EBF4: variants seen among roughly 807,000 people sequenced by gnomAD.
The protein encoded by EBF4 is EBF transcription factor 4.
Under a neutral mutation model 67.1 loss-of-function variants are expected in EBF4, and 34 were observed. That is an observed-to-expected ratio of 0.51 (90% CI 0.39 to 0.67). The LOEUF (loss-of-function observed/expected upper bound fraction) is 0.67. Among genes scored for constraint, EBF4 ranks in the 30% least tolerant of loss-of-function variants. EBF4 has a pLI of 0.00. For synonymous variants in EBF4, 387 were observed against 377.7 expected (o/e 1.02, Z -0.29); for missense variants, 837 against 873.3 (o/e 0.96, Z 0.52).
chr20:2,737,991 A>T (rs2087913823), intron 6 of EBF4, among the ~76,000 whole-genome samples: 1 of 150,886 alleles, frequency 6.6e-6, no homozygotes, highest in Non-Finnish European at 1.5e-5. Context: ...GTTCAGTGGG[A>T]ACCAAGGAGG....
At chr20:2,699,406 C>A (rs949896632) in intron 1 of EBF4, among the ~76,000 whole-genome samples, 9 of 152,174 alleles carry the variant, frequency 5.9e-5, no homozygotes, top group Non-Finnish European at 1.2e-4. Context: ...TTTGGTGTCT[C>A]AAACAGTCTC....
chr20:2,731,454 A>G (rs1001218348), intron 6 of EBF4, among the ~76,000 whole-genome samples: 2 of 152,190 alleles, frequency 1.3e-5, no homozygotes, highest in African/African-American at 4.8e-5. Context: ...CATGCAGCTT[A>G]CTTATAAAGA....
chr20:2,736,396 A>C (rs940717807), intron 6 of EBF4, among the ~76,000 whole-genome samples: 7 of 152,222 alleles, frequency 4.6e-5, no homozygotes, highest in African/African-American at 1.7e-4. Context: ...TAGATCAGGC[A>C]CATTATAAGT....
chr20:2,702,177 T>C (rs2087385712), intron 1 of EBF4, among the ~76,000 whole-genome samples: 1 of 152,200 alleles, frequency 6.6e-6, no homozygotes, highest in African/African-American at 2.4e-5. Flanking sequence ...CTCAAGACTA[T>C]AATCCCAGCA....
At position 2,707,625 on chromosome 20, in the gene EBF4, G is replaced by A. The variant is rs1338064654; in HGVS notation, c.415-322G>A. On this transcript the variant is annotated intron_variant, in intron 4 of 16. Coordinates refer to ENST00000609451, the Ensembl canonical transcript of EBF4. This position sits in a 1 kb window ranked among gnomAD's most constrained non-coding sequence, Gnocchi z 4.6. Reference sequence around the variant, plus strand: ...TGGTGCTGGGTGGGCACAGGAGTATGTCTACCCCACCAGCCACCTGACCTT... The same window carrying A: ...TGGTGCTGGGTGGGCACAGGAGTATATCTACCCCACCAGCCACCTGACCTT... 6.6e-6 allele frequency among the ~76,000 whole-genome samples: 1 copy of A among 152,102 alleles called. No individual in the cohort carries two copies. Among genetic ancestry groups the A allele is most frequent in the Non-Finnish European group, 1.5e-5 (1 of 67,992 alleles).
At position 2,727,513 on chromosome 20, in the gene EBF4, A is replaced by G. The variant is rs566369655; in HGVS notation, c.557+17871A>G. Among the ~76,000 whole-genome samples the G allele has an allele frequency of 2.0e-5, 3 of 152,324 alleles. No homozygotes were observed. The East Asian group carries it at 5.8e-4, about 29-fold the overall frequency. ...TTGAATACTGTATTTTTTAATCTGC[A>G]TTTGGTTAAAATAAATCCACATATA... On this transcript the variant is annotated intron_variant, in intron 6 of 16. Coordinates refer to ENST00000609451, the Ensembl canonical transcript of EBF4.
At chr20:2,714,237 G>A (rs1365447279) in intron 6 of EBF4, among the ~76,000 whole-genome samples, 1 of 152,164 alleles carries the variant, frequency 6.6e-6, no homozygotes, top group African/African-American at 2.4e-5. Context: ...TTCCTTTACT[G>A]TGAACTGTCT....
chr20:2,705,394 C>T (rs555161758), intron 1 of EBF4, among the ~76,000 whole-genome samples, 183 bp from the exon 2 acceptor site: 3 of 152,162 alleles, frequency 2.0e-5, no homozygotes, highest in Non-Finnish European at 4.4e-5. Context: ...TGCTGAGAGA[C>T]CTCTATCTGG....
chr20:2,705,887 AAAG>A, intron 2 of EBF4, 84 bp from the exon 3 acceptor site: 1 of 1,502,738 alleles, frequency 6.7e-7, no homozygotes, highest in South Asian at 1.3e-5. Context: ...GAAGGGTGGG[AAAG>A]AAGTTGGGGT....
chr20:2,706,872 A>T (rs1255406221), intron 4 of EBF4, among the ~76,000 whole-genome samples: 40 of 152,238 alleles, frequency 2.6e-4, no homozygotes, highest in Non-Finnish European at 2.1e-4. Context: ...TTTCCACTGC[A>T]GACCCTTGCA....
exon 13 of EBF4, chr20:2,752,190 C>A: frequency 7.0e-7 from 1 of 1,427,570 alleles, no homozygotes; most frequent in Non-Finnish European, 9.2e-7. Context: ...CACACCCCGC[C>A]GTCGTGGGCA....
Position 2,755,687 on chromosome 20 carries a change from C to A in EBF4, c.1601C>A (p.Pro534His). 1.3e-6 allele frequency: 2 copies of A among 1,550,588 alleles called. No homozygotes were observed. Among genetic ancestry groups the A allele is most frequent in the African/African-American group, 2.7e-5 (2 of 73,082 alleles). ...TCCATGTCCCTCCCGGCCGCTGCCC[C>A]CACCACCAGCGTGTTCTCCTTCTCG... Residue 534 changes from proline to histidine, a missense_variant, in exon 15 of 17, where the codon CCC (proline) becomes CAC (histidine). Transcript: ENST00000609451. The surrounding 1 kb of genome is among the most constrained non-coding windows in gnomAD (Gnocchi z 4.7).
exon 2 of EBF4, chr20:2,705,686 G>A (rs1415653447): frequency 5.2e-6 from 8 of 1,551,542 alleles, no homozygotes; most frequent in East Asian, 4.9e-5. Flanking sequence ...GGGGCAGCCC[G>A]TGGAGGTGGA....
exon 13 of EBF4, chr20:2,752,118 C>T: frequency 6.8e-7 from 1 of 1,467,406 alleles, no homozygotes; most frequent in Non-Finnish European, 9.0e-7. Flanking sequence ...CGGACGTGGC[C>T]GAGGCTCTGT....
In EBF4 at chr20:2,751,695, C is replaced by T. The variant is rs2088148114; in HGVS notation, c.1019-5C>T. 4 of 1,550,686 alleles carry T rather than the reference C, an allele frequency of 2.6e-6. No homozygotes were observed. The highest frequency in any genetic ancestry group is 2.4e-5 in the South Asian group (2 of 84,068). ...ACGTCCTCCAAACGCCGCCCCCTTC[C>T]CCAGCTCTGAACGAGCCCACCATTG... On this transcript the variant is annotated splice_region_variant and splice_polypyrimidine_tract_variant and intron_variant, in intron 10 of 16. Coordinates refer to ENST00000609451, the Ensembl canonical transcript of EBF4. This position sits in a 1 kb window ranked among gnomAD's most constrained non-coding sequence, Gnocchi z 5.2.
intron 6 of EBF4, among the ~76,000 whole-genome samples, chr20:2,731,643 G>A (rs548269480): frequency 6.6e-6 from 1 of 152,306 alleles, no homozygotes; most frequent in East Asian, 1.9e-4. Context: ...ATTCTCTGCT[G>A]CGGACATCTG....
intron 1 of EBF4, among the ~76,000 whole-genome samples, chr20:2,704,492 G>A (rs539795929): frequency 3.3e-5 from 5 of 152,220 alleles, no homozygotes; most frequent in South Asian, 2.1e-4. Flanking sequence ...CTTTCACTTC[G>A]CTTTTTGACA....
At chr20:2,724,829 A>C (rs2087727713) in intron 6 of EBF4, among the ~76,000 whole-genome samples, 1 of 152,208 alleles carries the variant, frequency 6.6e-6, no homozygotes, top group African/African-American at 2.4e-5. Flanking sequence ...ATCTGAGCCC[A>C]GGAGCTGGGG....
intron 7 of EBF4, 101 bp downstream of exon 7, chr20:2,748,731 G>A (rs1600240935): frequency 3.0e-6 from 4 of 1,341,638 alleles, no homozygotes; most frequent in Admixed American, 2.1e-5. Flanking sequence ...CCTGGGAAAG[G>A]CCTCCAAGGC....
Sources: gnomAD v4.1 joint callset for allele counts (sites outside exome capture counted in the v4.1 genomes callset) on GRCh38, gnomAD v4.1.1 for gene constraint, Gnocchi (gnomAD v3.1) non-coding constraint, MANE v1.5 for transcripts, NCBI Gene and HGNC (gene_info 2026-07-23, HGNC 2026-07-21) for gene names.